GRIK1: variants seen among roughly 807,000 people sequenced by gnomAD.
The protein encoded by GRIK1 is glutamate receptor ionotropic, kainate 1.
Under a neutral mutation model 105.7 loss-of-function variants are expected in GRIK1, and 69 were observed. The ratio of observed to expected loss-of-function variants is 0.65; its 90% confidence interval spans 0.54 to 0.80. The LOEUF (loss-of-function observed/expected upper bound fraction) is 0.80. Ranked by LOEUF, GRIK1 falls within the 30% of genes least tolerant of loss-of-function variation. The pLI is 0.00. For missense variants in GRIK1, 1,109 were observed against 1,167.3 expected, an observed-to-expected ratio of 0.95 and a Z score of 0.73; for synonymous variants, 438 against 431.3, an observed-to-expected ratio of 1.02 and a Z score of -0.19.
At chr21:29,580,833 A>G (rs191417719) in intron 13 of GRIK1, among the ~76,000 whole-genome samples, 4 of 152,222 alleles carry the variant, frequency 2.6e-5, no homozygotes, top group Admixed American at 2.0e-4. Flanking sequence ...CAAAAGCAGA[A>G]TCCCCGAATT....
At chr21:29,570,375 G>A (rs570999724) in intron 14 of GRIK1, among the ~76,000 whole-genome samples, 117 of 152,014 alleles carry the variant, frequency 7.7e-4, no homozygotes, top group Non-Finnish European at 1.4e-3. Context: ...GGTGGCAGGC[G>A]CCTGTAATCC....
At chr21:29,903,717 A>C (rs1206412931) in intron 1 of GRIK1, among the ~76,000 whole-genome samples, 1 of 152,234 alleles carries the variant, frequency 6.6e-6, no homozygotes. Context: ...TGTGGAAAAC[A>C]GTGTGGCGAT....
rs552091530 is a variant in GRIK1 at position 29,775,529 on chromosome 21, C to T, written c.119-81466G>A. 5.3e-5 allele frequency among the ~76,000 whole-genome samples: 8 copies of T among 152,230 alleles called. No homozygotes were observed. In the South Asian group the frequency reaches 1.7e-3, roughly 32 times the overall value. ...ACTCCTGGTACAGTCCAGGGAGGCT[C>T]ACCTTGCTGGTGGTATTTCCCTGCC... On this transcript the variant is annotated intron_variant, in intron 1 of 17. Coordinates refer to ENST00000327783, the MANE Select transcript of GRIK1 (RefSeq NM_001330994.2).
intron 1 of GRIK1, among the ~76,000 whole-genome samples, chr21:29,875,987 G>A (rs566384664): frequency 4.6e-5 from 7 of 152,254 alleles, no homozygotes; most frequent in African/African-American, 1.7e-4. Flanking sequence ...AAGCACGTGA[G>A]CTCCCACTGT....
At chr21:29,837,852 C>A (rs1981328) in intron 1 of GRIK1, among the ~76,000 whole-genome samples, 9,392 of 152,124 alleles carry the variant, frequency 0.062, 449 homozygotes, top group Non-Finnish European at 0.094. Flanking sequence ...CTTCCAAAGC[C>A]CCGAGTGTGG....
intron 4 of GRIK1, among the ~76,000 whole-genome samples, chr21:29,657,066 G>A (rs1462597871): frequency 2.0e-5 from 3 of 152,110 alleles, no homozygotes; most frequent in Admixed American, 6.5e-5. Context: ...TATATCATTC[G>A]AGCATAAAGA....
At chr21:29,919,598 G>A (rs2071123694) in intron 1 of GRIK1, among the ~76,000 whole-genome samples, 2 of 152,116 alleles carry the variant, frequency 1.3e-5, no homozygotes, top group African/African-American at 4.8e-5. Flanking sequence ...AGCAAAGGTA[G>A]CACTCCCTAA....
At chr21:29,922,691 A>T (rs74970603) in intron 1 of GRIK1, among the ~76,000 whole-genome samples, 1 of 152,220 alleles carries the variant, frequency 6.6e-6, no homozygotes, top group Non-Finnish European at 1.5e-5. Context: ...AAATGAAAAC[A>T]GTTACTTTGC....
chr21:29,920,619 G>A (rs1156689172), intron 1 of GRIK1, among the ~76,000 whole-genome samples: 3 of 151,960 alleles, frequency 2.0e-5, no homozygotes, highest in African/African-American at 7.3e-5. Flanking sequence ...ATTCACATCC[G>A]TGTGCCTTTC....
At chr21:29,697,954 T>C (rs1303146127) in intron 1 of GRIK1, among the ~76,000 whole-genome samples, 2 of 130,668 alleles carry the variant, frequency 1.5e-5, no homozygotes, top group African/African-American at 4.0e-5. Flanking sequence ...TTCTTTTTTC[T>C]TTCTTCCTTT....
At chr21:29,786,346 AT>A (rs1408947748) in intron 1 of GRIK1, among the ~76,000 whole-genome samples, 1 of 152,210 alleles carries the variant, frequency 6.6e-6, no homozygotes, top group African/African-American at 2.4e-5. Context: ...AAAATGCAAG[AT>A]TAATGTCATC....
rs183299969 is a variant in GRIK1, at chr21:29,727,885, C to T, written c.119-33822G>A. ...TGTCCCATAATCTGCCGCCTGTAAG[C>T]GGAGCCCCGGAAAAGCCAGTCTGAG... On this transcript the variant is annotated intron_variant, in intron 1 of 17. Coordinates refer to ENST00000327783, the MANE Select transcript of GRIK1 (RefSeq NM_001330994.2). 4.7e-4 allele frequency among the ~76,000 whole-genome samples: 72 copies of T among 152,292 alleles called. 1 individual carries two copies. Among genetic ancestry groups the T allele is most frequent in the African/African-American group, 1.6e-3 (67 of 41,564 alleles).
intron 1 of GRIK1, among the ~76,000 whole-genome samples, chr21:29,782,149 C>G (rs192045269): frequency 1.3e-5 from 2 of 149,462 alleles, no homozygotes; most frequent in South Asian, 2.1e-4. Flanking sequence ...TGCAGTGGCG[C>G]GATCTCGGCT....
intron 1 of GRIK1, among the ~76,000 whole-genome samples, chr21:29,870,817 C>A (rs1020262247): frequency 2.6e-5 from 4 of 152,004 alleles, no homozygotes; most frequent in African/African-American, 9.7e-5. Flanking sequence ...TCTTTAAATG[C>A]TTCTTTGACC....
chr21:29,732,539 T>A (rs1031252562), intron 1 of GRIK1, among the ~76,000 whole-genome samples: 1 of 152,146 alleles, frequency 6.6e-6, no homozygotes, highest in Non-Finnish European at 1.5e-5. Flanking sequence ...GTAGATTAAT[T>A]TTTGAGTTGT....
At chr21:29,679,105 A>G (rs1396472203) in intron 3 of GRIK1, among the ~76,000 whole-genome samples, 1 of 152,242 alleles carries the variant, frequency 6.6e-6, no homozygotes, top group Non-Finnish European at 1.5e-5. Context: ...AGGACAGTGC[A>G]CATAGTCAGC....
At chr21:29,888,314 G>T (rs112500710) in intron 1 of GRIK1, among the ~76,000 whole-genome samples, 19,881 of 144,300 alleles carry the variant, frequency 0.14, 1,478 homozygotes, top group Non-Finnish European at 0.18. Flanking sequence ...ACTAAGGCTG[G>T]AGTGCAGTGG....
rs2067001118 is a variant in GRIK1 at position 29,811,214 on chromosome 21, C to T, written c.119-117151G>A. On this transcript the variant is annotated intron_variant, in intron 1 of 17. Transcript: ENST00000327783. ...TTAGTTTCATGGAGGGGAAGCTGGA[C>T]AAGAGGAGAGTAATGTGCAATTGGT... 5.3e-5 allele frequency among the ~76,000 whole-genome samples: 8 copies of T among 152,162 alleles called. No individual in the cohort carries two copies. The South Asian group carries it at 1.7e-3, about 32-fold the overall frequency.
intron 1 of GRIK1, among the ~76,000 whole-genome samples, chr21:29,768,112 G>C (rs1477295906): frequency 6.6e-6 from 1 of 152,260 alleles, no homozygotes; most frequent in African/African-American, 2.4e-5. Flanking sequence ...TGTTTATACG[G>C]GAAAATGATT....
Sources: allele counts gnomAD v4.1 joint callset (sites outside exome capture counted in the v4.1 genomes callset), GRCh38; gene constraint gnomAD v4.1.1; transcripts MANE v1.5; gene names NCBI Gene and HGNC (gene_info 2026-07-23, HGNC 2026-07-21).